CACNA1C: variants seen among roughly 807,000 people sequenced by gnomAD.
CACNA1C encodes the protein voltage-dependent L-type calcium channel subunit alpha-1C.
A neutral mutation model predicts 229.0 loss-of-function variants in CACNA1C; 30 were observed. The ratio of observed to expected loss-of-function variants is 0.13; its 90% CI spans 0.10 to 0.18. The LOEUF is 0.18. CACNA1C is among the 10% of genes least tolerant of loss of function. The pLI is 1.00. For missense variants in CACNA1C, 1,658 were observed against 2,845.0 expected, an observed-to-expected ratio of 0.58 and a Z score of 9.49; for synonymous variants, 1,114 against 1,132.5, an observed-to-expected ratio of 0.98 and a Z score of 0.33.
At chr12:2,453,301 C>G (rs960573443) in intron 4 of CACNA1C, among the ~76,000 whole-genome samples, 1 of 152,154 alleles carries the variant, frequency 6.6e-6, no homozygotes, top group Admixed American at 6.5e-5. Flanking sequence ...GCTGCAGCTT[C>G]CCATTTCTAG....
chr12:2,501,546 G>A (rs1377325952), intron 7 of CACNA1C, among the ~76,000 whole-genome samples: 1 of 152,224 alleles, frequency 6.6e-6, no homozygotes, highest in African/African-American at 2.4e-5. Context: ...ATGACCTCAC[G>A]GTTCCCATCG....
chr12:2,376,610 C>A (rs2098078237), intron 3 of CACNA1C, among the ~76,000 whole-genome samples: 1 of 152,124 alleles, frequency 6.6e-6, no homozygotes, highest in Admixed American at 6.5e-5. Context: ...ATTGTCCTAC[C>A]TTTCTGTAAT....
chr12:2,341,936 C>T (rs1290104232), intron 3 of CACNA1C, among the ~76,000 whole-genome samples: 1 of 152,176 alleles, frequency 6.6e-6, no homozygotes, highest in African/African-American at 2.4e-5. Context: ...ATTTAAGGCC[C>T]ACTGATAGCC....
chr12:2,684,312 G>A (rs10848684), intron 43 of CACNA1C, among the ~76,000 whole-genome samples: 100,226 of 152,044 alleles, frequency 0.66, 37,051 homozygotes, highest in South Asian at 0.84. Context: ...AGCAAAATGG[G>A]ACGGTGGGGG....
Position 2,654,047 on chromosome 12 carries a change from A to C in CACNA1C, c.4140+147A>C. ...CCTCCTCTTCCATTTTCTGAGGCCCAAAAAGCCACAGGAATTGGAACTTTC... is the reference window on the plus strand; with the variant it reads ...CCTCCTCTTCCATTTTCTGAGGCCCCAAAAGCCACAGGAATTGGAACTTTC... On this transcript the variant is annotated intron_variant, in intron 33 of 46. Transcript: ENST00000399655. This position sits in a 1 kb window ranked among gnomAD's most constrained non-coding sequence, Gnocchi z 4.4. 1 of 674,160 alleles carries C rather than the reference A, an allele frequency of 1.5e-6. No individual in the cohort carries two copies. The highest frequency in any genetic ancestry group is 2.7e-5 in the East Asian group (1 of 36,478). The allele number at this position is 674,160 out of a possible 1,614,324, so 41.8% of individuals were successfully genotyped here. A position where few individuals can be genotyped will look rare whatever the true frequency, so the allele number is the denominator to read the frequency against.
chr12:2,327,991 T>C (rs983258920), intron 3 of CACNA1C, among the ~76,000 whole-genome samples: 2 of 152,192 alleles, frequency 1.3e-5, no homozygotes, highest in African/African-American at 4.8e-5. Flanking sequence ...GATCATTTAA[T>C]TACTCTGTAG....
intron 43 of CACNA1C, among the ~76,000 whole-genome samples, chr12:2,682,900 C>T (rs1447202325): frequency 2.0e-5 from 1 of 50,184 alleles, no homozygotes; most frequent in Non-Finnish European, 4.5e-5. Context: ...CACAGACACA[C>T]ACAACACACA....
rs1487569726 is a variant in CACNA1C at position 2,493,693 on chromosome 12, C to T, written c.1113+307C>T. ...GCTGGCCAGGCTGGCACAAGGGTTC[C>T]GTTCAACTCCTCCTCCCATGCAGAG... is the stretch of plus-strand genomic sequence containing the variant. On this transcript the variant is annotated intron_variant, in intron 7 of 46. Transcript: ENST00000399655. This position sits in a 1 kb window ranked among gnomAD's most constrained non-coding sequence, Gnocchi z 4.6. Among the ~76,000 whole-genome samples the T allele has an allele frequency of 2.6e-5, 4 of 152,154 alleles. No homozygotes were observed. Among genetic ancestry groups the T allele is most frequent in the South Asian group, 2.1e-4 (1 of 4,824 alleles).
At chr12:1,973,881 C>T (rs959368126) in intron 1 of CACNA1C, among the ~76,000 whole-genome samples, 4 of 152,168 alleles carry the variant, frequency 2.6e-5, no homozygotes, top group Non-Finnish European at 5.9e-5. Context: ...AAATATCATG[C>T]AGGGAGTCCC....
At chr12:2,031,987 G>A (rs2154492165) in intron 1 of CACNA1C, among the ~76,000 whole-genome samples, 1 of 88,084 alleles carries the variant, frequency 1.1e-5, no homozygotes, top group East Asian at 6.9e-4. Context: ...GTGTGTGTGA[G>A]TGTGTTTGTG....
intron 3 of CACNA1C, among the ~76,000 whole-genome samples, chr12:2,150,807 G>A (rs926580360): frequency 6.6e-6 from 1 of 152,136 alleles, no homozygotes; most frequent in Non-Finnish European, 1.5e-5. Context: ...TGTCTCTACC[G>A]CTCTTATTTT....
At chr12:2,555,738 G>A (rs1024550210) in intron 10 of CACNA1C, among the ~76,000 whole-genome samples, 11 of 152,290 alleles carry the variant, frequency 7.2e-5, no homozygotes, top group South Asian at 6.2e-4. Flanking sequence ...GCTCAGACTC[G>A]CAGTGCCCCA....
At chr12:2,571,339 T>C (rs1468755997) in intron 13 of CACNA1C, among the ~76,000 whole-genome samples, 1 of 152,194 alleles carries the variant, frequency 6.6e-6, no homozygotes, top group Non-Finnish European at 1.5e-5. Context: ...AAGATCTTTA[T>C]GCCCTGGTTC....
At chr12:2,157,382 T>A (rs1322400452) in intron 3 of CACNA1C, among the ~76,000 whole-genome samples, 3 of 152,200 alleles carry the variant, frequency 2.0e-5, no homozygotes, top group South Asian at 4.1e-4. Context: ...AGCGGAATGT[T>A]CTCTAATGGG....
chr12:2,511,571 T>TACACACACACACACACACAC (rs35169529), intron 8 of CACNA1C, among the ~76,000 whole-genome samples: 2 of 149,902 alleles, frequency 1.3e-5, no homozygotes, highest in African/African-American at 4.9e-5. Context: ...CCTATGCATG[T>TACACACACACACACACACAC]ACACACACAC....
upstream of CACNA1C, among the ~76,000 whole-genome samples, chr12:2,048,951 A>ACTGT (rs1381336797): frequency 6.6e-6 from 1 of 152,244 alleles, no homozygotes; most frequent in African/African-American, 2.4e-5. Flanking sequence ...GATTGAGGAT[A>ACTGT]CTGTCAACAT....
chr12:1,989,841 G>A (rs113126177), intron 1 of CACNA1C, among the ~76,000 whole-genome samples: 4,177 of 152,308 alleles, frequency 0.027, 97 homozygotes, highest in Middle Eastern at 0.054. Flanking sequence ...AACACAGTAA[G>A]TGATTACTAT....
At chr12:2,440,159 T>G (rs1386897580) in intron 3 of CACNA1C, among the ~76,000 whole-genome samples, 2 of 152,196 alleles carry the variant, frequency 1.3e-5, no homozygotes, top group African/African-American at 4.8e-5. Context: ...TTCTAACCAT[T>G]TTTAAGTGTG....
chr12:2,468,151 T>A (rs140975352), intron 5 of CACNA1C, among the ~76,000 whole-genome samples: 1 of 152,312 alleles, frequency 6.6e-6, no homozygotes, highest in Non-Finnish European at 1.5e-5. Flanking sequence ...TTACTGAGTA[T>A]CAACAACAGT....
Sources: gnomAD v4.1 joint callset for allele counts (sites outside exome capture counted in the v4.1 genomes callset) on GRCh38, gnomAD v4.1.1 for gene constraint, Gnocchi (gnomAD v3.1) non-coding constraint, MANE v1.5 for transcripts, NCBI Gene and HGNC (gene_info 2026-07-23, HGNC 2026-07-21) for gene names.